CDC42BPA: variants seen among roughly 807,000 people sequenced by gnomAD.
CDC42BPA encodes the protein serine/threonine-protein kinase MRCK alpha.
A neutral mutation model predicts 223.5 loss-of-function variants in CDC42BPA; 80 were observed. The observed-to-expected ratio is 0.36, with a 90% CI of 0.30 to 0.43. The LOEUF (loss-of-function observed/expected upper bound fraction) is 0.43, where lower values mean the gene tolerates loss of function less well. Among genes scored for constraint, CDC42BPA ranks in the 20% least tolerant of loss-of-function variants. The probability of loss-of-function intolerance (pLI) is 1.00; values close to 1 mark genes in which losing one functional copy is unlikely to be tolerated. For synonymous variants in CDC42BPA, 694 were observed against 718.6 expected, an observed-to-expected ratio of 0.97 and a Z score of 0.55; for missense variants, 1,743 against 2,099.9, an observed-to-expected ratio of 0.83 and a Z score of 3.32.
rs966572921 is a variant in CDC42BPA at position 227,105,436 on chromosome 1, A to C, written c.2002-4197T>G. On this transcript the variant is annotated intron_variant, in intron 14 of 36. Transcript: ENST00000366766. Reference sequence around the variant, plus strand: ...GAGTACACTGGCACAATCATGACTCACTGCAGCCTCGACCTCAAGCAATCT... The same window carrying C: ...GAGTACACTGGCACAATCATGACTCCCTGCAGCCTCGACCTCAAGCAATCT... Among the ~76,000 whole-genome samples the C allele has an allele frequency of 3.6e-5, 5 of 137,456 alleles. No individual in the cohort carries two copies. In the Admixed American group the frequency reaches 4.1e-4, roughly 11 times the overall value. The allele number at this position is 137,456 out of a possible 152,430, so 90.2% of individuals were successfully genotyped here.
chr1:227,091,501 A>G (rs1265409456), intron 16 of CDC42BPA, among the ~76,000 whole-genome samples: 1 of 152,182 alleles, frequency 6.6e-6, no homozygotes, highest in African/African-American at 2.4e-5. Flanking sequence ...GACTCTCACC[A>G]GAAGTAGATG....
At chr1:227,017,474 C>G (rs555747460) in intron 32 of CDC42BPA, among the ~76,000 whole-genome samples, 1 of 152,200 alleles carries the variant, frequency 6.6e-6, no homozygotes, top group East Asian at 1.9e-4. Context: ...AAATGGTAAG[C>G]CTGATTTACC....
Position 227,048,036 on chromosome 1 carries a change from TAA to T in CDC42BPA, c.3010-28_3010-27del, listed in dbSNP as rs1000436911. 3.6e-6 allele frequency: 5 copies of T among 1,406,602 alleles called. No homozygotes were observed. The African/African-American group carries it at 7.1e-5, about 20-fold the overall frequency. The allele number at this position is 1,406,602 out of a possible 1,614,324, so 87.1% of individuals were successfully genotyped here. ...CTGAACCCAGGAGCAAAAAAGGAAA[TAA>T]ATGTCATGAAACACTCCATTAATTT... On this transcript the variant is annotated intron_variant, in intron 22 of 36. Coordinates refer to ENST00000366766, the MANE Select transcript of CDC42BPA (RefSeq NM_001394014.1).
intron 17 of CDC42BPA, among the ~76,000 whole-genome samples, chr1:227,078,577 C>G: frequency 6.6e-6 from 1 of 152,046 alleles, no homozygotes; most frequent in East Asian, 1.9e-4. Context: ...AGGAAGGTTC[C>G]TACTCTAACG....
chr1:227,008,499 T>C (rs1664538783), intron 34 of CDC42BPA, among the ~76,000 whole-genome samples: 1 of 152,160 alleles, frequency 6.6e-6, no homozygotes, highest in South Asian at 2.1e-4. Context: ...TTTTAAGTTA[T>C]AATAAAAGTC....
In CDC42BPA at chr1:227,254,096, A is replaced by C. The variant is rs1040404067; in HGVS notation, c.238T>G (p.Leu80Val). 6.2e-7 allele frequency: 1 copy of C among 1,602,644 alleles called. No individual in the cohort carries two copies. Among genetic ancestry groups the C allele is most frequent in the Non-Finnish European group, 8.5e-7 (1 of 1,173,252 alleles). Residue 80 changes from leucine to valine, a missense_variant, in exon 2 of 37, where the codon TTA becomes GTA. By Grantham distance (32) the Leu-to-Val change is conservative. This residue lies in a region of CDC42BPA where 321 missense variants were observed against 488.7 expected (regional missense o/e 0.66). Coordinates refer to ENST00000366766, the MANE Select transcript of CDC42BPA (RefSeq NM_001394014.1). ...AAAGCTCCTCGACCAATCACCTTTA[A>C]TATTTCAAAGTCTTCTCTATGTAAT... ...MRLHREDFEI[L>V]KVIGRGAFGE...
intron 19 of CDC42BPA, among the ~76,000 whole-genome samples, chr1:227,073,629 T>C (rs1678882411): frequency 6.6e-6 from 1 of 152,152 alleles, no homozygotes. Context: ...TAATGGAATA[T>C]TATTTAATAC....
chr1:227,178,882 G>C (rs976204878), intron 5 of CDC42BPA, among the ~76,000 whole-genome samples: 1 of 152,160 alleles, frequency 6.6e-6, no homozygotes, highest in African/African-American at 2.4e-5. Context: ...ATAATTTCCT[G>C]ATAGACTGAG....
At chr1:227,040,601 A>C (rs1216019026) in intron 23 of CDC42BPA, among the ~76,000 whole-genome samples, 2 of 152,216 alleles carry the variant, frequency 1.3e-5, no homozygotes, top group Non-Finnish European at 2.9e-5. Flanking sequence ...ATTTATACTG[A>C]TACAAATATA....
intron 5 of CDC42BPA, among the ~76,000 whole-genome samples, chr1:227,164,417 T>C (rs6426574): frequency 0.99 from 150,755 of 152,304 alleles, 74,630 homozygotes; most frequent in East Asian, 1. Context: ...TATAAGTCTT[T>C]TTTTATATTC....
chr1:227,289,439 C>G (rs2148641774), intron 1 of CDC42BPA, among the ~76,000 whole-genome samples: 1 of 152,282 alleles, frequency 6.6e-6, no homozygotes, highest in Admixed American at 6.5e-5. Context: ...ACATCAAATC[C>G]TCAGAGGTCT....
intron 23 of CDC42BPA, among the ~76,000 whole-genome samples, chr1:227,045,740 G>A (rs1279511106): frequency 2.0e-5 from 3 of 151,998 alleles, no homozygotes; most frequent in African/African-American, 7.3e-5. Context: ...GAGACTTCTT[G>A]TTCTCATATT....
intron 32 of CDC42BPA, among the ~76,000 whole-genome samples, chr1:227,020,913 T>C (rs1667242333): frequency 1.3e-5 from 2 of 152,074 alleles, no homozygotes; most frequent in South Asian, 4.1e-4. Flanking sequence ...CACTTAAGAG[T>C]CTATTGCAGG....
intron 10 of CDC42BPA, among the ~76,000 whole-genome samples, chr1:227,131,963 A>G (rs1571861673): frequency 3.3e-5 from 5 of 152,290 alleles, no homozygotes; most frequent in Admixed American, 3.3e-4. Flanking sequence ...GGAGAACGGG[A>G]GTCAGTTGTT....
chr1:227,241,675 T>C (rs1174194673), intron 2 of CDC42BPA, among the ~76,000 whole-genome samples: 1 of 152,112 alleles, frequency 6.6e-6, no homozygotes, highest in Non-Finnish European at 1.5e-5. Context: ...ATGGAAGCTG[T>C]GGGGAACCAA....
intron 1 of CDC42BPA, among the ~76,000 whole-genome samples, chr1:227,283,464 A>G (rs1688321206): frequency 6.6e-6 from 1 of 152,198 alleles, no homozygotes; most frequent in African/African-American, 2.4e-5. Context: ...CCACCTAAAA[A>G]TAGAAAAAGC....
chr1:227,200,559 CTTT>C (rs1304184572), intron 3 of CDC42BPA, among the ~76,000 whole-genome samples: 3 of 144,660 alleles, frequency 2.1e-5, no homozygotes, highest in Non-Finnish European at 4.5e-5. Context: ...GACTGTTCTT[CTTT>C]TAACTGCTAT....
chr1:227,059,472 G>T, intron 21 of CDC42BPA: 1 of 1,390,468 alleles, frequency 7.2e-7, no homozygotes, highest in Non-Finnish European at 1.0e-6. Flanking sequence ...AGACTCTCAA[G>T]GACTACTATT....
chr1:227,303,484 T>C (rs2148755078), intron 1 of CDC42BPA, among the ~76,000 whole-genome samples: 1 of 152,352 alleles, frequency 6.6e-6, no homozygotes, highest in East Asian at 1.9e-4. Flanking sequence ...CAACATTTGT[T>C]TGAGGAGAGG....
Sources: gnomAD v4.1 joint callset for allele counts (sites outside exome capture counted in the v4.1 genomes callset) on GRCh38, gnomAD v4.1.1 for gene constraint, gnomAD v4.1.1 regional missense constraint, MANE v1.5 for transcripts, NCBI Gene and HGNC (gene_info 2026-07-23, HGNC 2026-07-21) for gene names.